The following PCDHA8 variants were observed in gnomAD, a reference collection of about 807,000 sequenced individuals.
The protein encoded by PCDHA8 is protocadherin alpha 8.
PCDHA8 carries 53 observed loss-of-function variants against 61.8 expected under a neutral mutation model. The ratio of observed to expected loss-of-function variants is 0.86; its 90% confidence interval spans 0.69 to 1.08. The LOEUF is 1.08. Ranked by LOEUF, PCDHA8 falls within the 50% of genes least tolerant of loss-of-function variation. The pLI, the probability that PCDHA8 is intolerant of heterozygous loss-of-function variation, is 0.00. For missense variants in PCDHA8, 1,293 were observed against 1,245.0 expected, an observed-to-expected ratio of 1.04 and a Z score of -0.58; for synonymous variants, 618 against 556.6, an observed-to-expected ratio of 1.11 and a Z score of -1.55.
chr5:141,002,189 C>T (rs1277871243), intron 3 of PCDHA8, among the ~76,000 whole-genome samples: 4 of 152,220 alleles, frequency 2.6e-5, no homozygotes, highest in African/African-American at 9.6e-5. Flanking sequence ...TGCTGTCTGG[C>T]AAGATAGTCC....
At chr5:140,948,271 T>C (rs1295867135) in intron 1 of PCDHA8, among the ~76,000 whole-genome samples, 4 of 151,646 alleles carry the variant, frequency 2.6e-5, no homozygotes, top group Non-Finnish European at 5.9e-5. Flanking sequence ...TCATGTAGAA[T>C]ATCTGTAAAT....
At chr5:140,931,460 G>GA (rs3836748) in intron 1 of PCDHA8, among the ~76,000 whole-genome samples, 48,962 of 151,596 alleles carry the variant, frequency 0.32, 8,170 homozygotes, top group East Asian at 0.53. Flanking sequence ...AAAAATATAG[G>GA]AATGACAGAG....
Position 140,946,631 on chromosome 5 carries a change from T to TATATATATATATATACAC in PCDHA8, c.2395-32317_2395-32316insTATATATATATATACACA, listed in dbSNP as rs57893927. 8.0e-4 allele frequency among the ~76,000 whole-genome samples: 106 copies of TATATATATATATATACAC among 131,838 alleles called. 2 individuals carry two copies. The East Asian group carries it at 0.018, about 23-fold the overall frequency. 86.5% of individuals were successfully genotyped at this position (131,838 alleles called of 152,430 possible). A position where few individuals can be genotyped will look rare whatever the true frequency, so the allele number is the denominator to read the frequency against. On this transcript the variant is annotated intron_variant, in intron 1 of 3. Transcript: ENST00000531613. ...TGTGAAATATATATATATATATATA[T>TATATATATATATATACAC]ACAATGGAATACTCATCAGCCATTA...
At chr5:141,001,977 A>T (rs527826696) in intron 3 of PCDHA8, among the ~76,000 whole-genome samples, 1 of 152,246 alleles carries the variant, frequency 6.6e-6, no homozygotes, top group South Asian at 2.1e-4. Flanking sequence ...CTCTGCGCGG[A>T]AAGCCTGGAA....
intron 1 of PCDHA8, chr5:140,869,090 C>G (rs150845602): frequency 1.3e-6 from 2 of 1,589,674 alleles, no homozygotes; most frequent in African/African-American, 1.4e-5. Context: ...TTTTGGAAGC[C>G]AATTTCGTAT....
intron 1 of PCDHA8, among the ~76,000 whole-genome samples, chr5:140,971,158 C>T (rs1554233066): frequency 6.6e-6 from 1 of 152,172 alleles, no homozygotes; most frequent in African/African-American, 2.4e-5. Context: ...AGGCCAGGCT[C>T]AGCTTTGCCA....
intron 1 of PCDHA8, among the ~76,000 whole-genome samples, chr5:140,897,318 A>T (rs1420123207): frequency 1.4e-5 from 2 of 145,668 alleles, no homozygotes; most frequent in African/African-American, 2.5e-5. Flanking sequence ...TATCTCCTAA[A>T]GCTATCCCTC....
chr5:140,988,268 G>A (rs1463795699), intron 3 of PCDHA8, among the ~76,000 whole-genome samples: 3 of 152,160 alleles, frequency 2.0e-5, no homozygotes, highest in Non-Finnish European at 4.4e-5. Context: ...AGTATCCTTC[G>A]CTGTCACCTG....
rs1190027185 is a variant in PCDHA8, at chr5:140,882,058, C to T, written c.2394+38343C>T. On this transcript the variant is annotated intron_variant, in intron 1 of 3. Transcript: ENST00000531613. ...GAAGACTGAGTCATACTTACACTTA[C>T]ACGTTCATGCGCATGGTGTCGCTCT... is the stretch of plus-strand genomic sequence containing the variant. 1.0e-5 allele frequency: 8 copies of T among 794,854 alleles called. No individual in the cohort carries two copies. The Admixed American group carries it at 2.4e-4, about 24-fold the overall frequency. The allele number at this position is 794,854 out of a possible 1,614,324, so 49.2% of individuals were successfully genotyped here.
rs1778678462 is a variant in PCDHA8 at position 140,843,207 on chromosome 5, G to A, written c.1886G>A (p.Gly629Asp). Residue 629 changes from glycine to aspartate, a missense_variant, in exon 1 of 4, where the codon GGC becomes GAC. Gly to Asp is a moderately conservative substitution (Grantham distance 94). Coordinates refer to ENST00000531613, the MANE Select transcript of PCDHA8 (RefSeq NM_018911.3). ...RIPFRVGLYT[G>D]EISTTRVLDE... ...CCGTTCCGCGTGGGGCTGTACACGGGCGAGATCAGCACCACTCGTGTCCTG... is the reference window on the plus strand; with the variant it reads ...CCGTTCCGCGTGGGGCTGTACACGGACGAGATCAGCACCACTCGTGTCCTG... The A allele has an allele frequency of 1.3e-6, 2 of 1,595,886 alleles. No homozygotes were observed. Among genetic ancestry groups the A allele is most frequent in the Admixed American group, 1.7e-5 (1 of 59,312 alleles).
chr5:140,875,553 G>A (rs1447542979), intron 1 of PCDHA8: 4 of 1,614,000 alleles, frequency 2.5e-6, no homozygotes, highest in African/African-American at 2.7e-5. Flanking sequence ...GGGAGGTGGG[G>A]AGCGGCCAGC....
rs552832365 is a variant in PCDHA8, at chr5:140,928,668, T to C, written c.2395-50281T>C. ...TAGCAGAGGATGCTGACAGTGGTTC[T>C]AATGCCTGGCTTTCCTACCACATCT... is the stretch of plus-strand genomic sequence containing the variant. On this transcript the variant is annotated intron_variant, in intron 1 of 3. Transcript: ENST00000531613. The C allele has an allele frequency of 2.4e-4, 388 of 1,614,234 alleles. 3 individuals are homozygous for C. The South Asian group carries it at 4.0e-3, about 17-fold the overall frequency.
chr5:140,908,949 G>A (rs2074237561), intron 1 of PCDHA8, among the ~76,000 whole-genome samples: 1 of 152,144 alleles, frequency 6.6e-6, no homozygotes, highest in South Asian at 2.1e-4. Context: ...CTTCACCTTA[G>A]AAGGAATATC....
chr5:140,987,008 G>T (rs958548514), intron 3 of PCDHA8, among the ~76,000 whole-genome samples: 1 of 152,142 alleles, frequency 6.6e-6, no homozygotes, highest in Non-Finnish European at 1.5e-5. Context: ...GAGGTCATGA[G>T]TTCGAGACCA....
At chr5:140,978,726 T>C (rs1453953300) in intron 1 of PCDHA8, among the ~76,000 whole-genome samples, 2 of 152,250 alleles carry the variant, frequency 1.3e-5, no homozygotes, top group African/African-American at 4.8e-5. Flanking sequence ...TTATTAAATC[T>C]GGTCTTCCAG....
rs1247587764 is a variant in PCDHA8 at position 140,883,158 on chromosome 5, C to T, written c.2394+39443C>T. ...GTGGTATATGCATTTACCATAAATC[C>T]GAACAATGGAGAAATTAGGACAAAA... On this transcript the variant is annotated intron_variant, in intron 1 of 3. Coordinates refer to ENST00000531613, the MANE Select transcript of PCDHA8 (RefSeq NM_018911.3). The T allele has an allele frequency of 1.9e-6, 3 of 1,613,592 alleles. No individual in the cohort carries two copies. In the African/African-American group the frequency reaches 4.0e-5, roughly 22 times the overall value.
chr5:140,868,184 G>A (rs1216562415), intron 1 of PCDHA8: 3 of 151,962 alleles, frequency 2.0e-5, no homozygotes, highest in African/African-American at 7.2e-5. Context: ...CTCATATTAT[G>A]CTACTATGGC....
intron 1 of PCDHA8, chr5:140,862,740 G>A: frequency 1.7e-6 from 1 of 577,772 alleles, no homozygotes; most frequent in South Asian, 1.4e-5. Flanking sequence ...GCTATGTGTG[G>A]GTGCACGCGG....
chr5:140,892,580 A>C (rs1462175198), intron 1 of PCDHA8, among the ~76,000 whole-genome samples: 2 of 152,198 alleles, frequency 1.3e-5, no homozygotes, highest in Admixed American at 1.3e-4. Context: ...AGTATATCTC[A>C]GTATTCATTC....
Sources: gnomAD v4.1 joint callset for allele counts (sites outside exome capture counted in the v4.1 genomes callset) on GRCh38, gnomAD v4.1.1 for gene constraint, MANE v1.5 for transcripts, NCBI Gene and HGNC (gene_info 2026-07-23, HGNC 2026-07-21) for gene names.